GABRB1: variants seen among roughly 807,000 people sequenced by gnomAD.
GABRB1 encodes the protein gamma-aminobutyric acid receptor subunit beta-1.
GABRB1 carries 17 observed loss-of-function variants against 51.6 expected under a neutral mutation model. That is an observed-to-expected ratio of 0.33 (90% CI 0.23 to 0.49). The LOEUF is 0.49. GABRB1 is among the 20% of genes least tolerant of loss of function. The pLI is 0.99. For missense variants in GABRB1, 410 were observed against 600.6 expected (o/e 0.68, Z 3.32); for synonymous variants, 247 against 218.9 (o/e 1.13, Z -1.14).
At chr4:47,277,277 AC>A (rs1723118806) in intron 4 of GABRB1, among the ~76,000 whole-genome samples, 2 of 152,178 alleles carry the variant, frequency 1.3e-5, no homozygotes, top group Non-Finnish European at 2.9e-5. Context: ...GACAAACATC[AC>A]ATGTTCTCAC....
chr4:47,200,935 T>A (rs533647635), intron 4 of GABRB1, among the ~76,000 whole-genome samples: 1 of 152,272 alleles, frequency 6.6e-6, no homozygotes, highest in Non-Finnish European at 1.5e-5. Context: ...AGAGTAGCCA[T>A]TAGCCAGTCT....
chr4:47,343,709 G>A (rs6831556), intron 5 of GABRB1, among the ~76,000 whole-genome samples: 56,049 of 151,966 alleles, frequency 0.37, 10,500 homozygotes, highest in South Asian at 0.47. Flanking sequence ...AGAAAATTAG[G>A]CCTGTGCTCA....
chr4:47,040,764 A>C (rs963567737), intron 3 of GABRB1, among the ~76,000 whole-genome samples: 2 of 152,164 alleles, frequency 1.3e-5, no homozygotes, highest in African/African-American at 4.8e-5. Context: ...AGTGAGTGAA[A>C]TGCGTTGGTT....
At chr4:47,260,260 TGG>T (rs1159878274) in intron 4 of GABRB1, among the ~76,000 whole-genome samples, 1 of 151,782 alleles carries the variant, frequency 6.6e-6, no homozygotes, top group East Asian at 1.9e-4. Context: ...AGCACACTGA[TGG>T]GTCTTGACTC....
intron 1 of GABRB1, among the ~76,000 whole-genome samples, chr4:47,025,824 C>T (rs920923617): frequency 6.6e-5 from 10 of 151,850 alleles, no homozygotes; most frequent in Non-Finnish European, 8.8e-5. Context: ...TCTCATTATC[C>T]CCTCTCCTCT....
intron 5 of GABRB1, among the ~76,000 whole-genome samples, chr4:47,350,218 T>TAGAGAGAGAGAG (rs59905765): frequency 9.4e-4 from 53 of 56,644 alleles, no homozygotes; most frequent in East Asian, 4.5e-3. Flanking sequence ...TATATATATA[T>TAGAGAGAGAGAG]AGAGAGAGAG....
chr4:47,171,044 A>G (rs553331956), intron 4 of GABRB1, among the ~76,000 whole-genome samples: 1 of 152,324 alleles, frequency 6.6e-6, no homozygotes, highest in African/African-American at 2.4e-5. Context: ...TATATATGGC[A>G]TTGTAACCAA....
intron 4 of GABRB1, among the ~76,000 whole-genome samples, chr4:47,257,078 G>A (rs1346720837): frequency 6.6e-6 from 1 of 152,074 alleles, no homozygotes; most frequent in East Asian, 1.9e-4. Context: ...GCTTCCATCT[G>A]GGTTTAGTCA....
At chr4:47,077,844 ATATATATTTT>A (rs1226708750) in intron 3 of GABRB1, among the ~76,000 whole-genome samples, 1 of 141,174 alleles carries the variant, frequency 7.1e-6, no homozygotes, top group African/African-American at 2.6e-5. Context: ...TATATATTTT[ATATATATTTT>A]TATATATTTT....
At chr4:47,288,248 A>G (rs1377522306) in intron 4 of GABRB1, among the ~76,000 whole-genome samples, 1 of 150,042 alleles carries the variant, frequency 6.7e-6, no homozygotes, top group Non-Finnish European at 1.5e-5. Flanking sequence ...TATTACTATT[A>G]TTATTATTAT....
At chr4:47,241,161 A>T (rs570216337) in intron 4 of GABRB1, among the ~76,000 whole-genome samples, 1 of 152,334 alleles carries the variant, frequency 6.6e-6, no homozygotes, top group East Asian at 1.9e-4. Context: ...CAGTAAAAAA[A>T]ATAAAACCTG....
At chr4:47,351,700 A>T in intron 5 of GABRB1, among the ~76,000 whole-genome samples, 1 of 150,610 alleles carries the variant, frequency 6.6e-6, no homozygotes. Flanking sequence ...GAGAATGATG[A>T]TTTCCAATTT....
intron 3 of GABRB1, among the ~76,000 whole-genome samples, chr4:47,150,058 G>A (rs1474711553): frequency 6.6e-6 from 1 of 151,884 alleles, no homozygotes; most frequent in East Asian, 1.9e-4. Flanking sequence ...TTCCAAAGGA[G>A]CAGGCTATGG....
chr4:47,100,056 A>G (rs1714653533), intron 3 of GABRB1, among the ~76,000 whole-genome samples: 1 of 152,028 alleles, frequency 6.6e-6, no homozygotes, highest in African/African-American at 2.4e-5. Context: ...TTATATTGAA[A>G]TTATGTTCGG....
chr4:47,361,616 A>T (rs17571589), intron 5 of GABRB1, among the ~76,000 whole-genome samples: 13,950 of 152,222 alleles, frequency 0.092, 774 homozygotes, highest in Non-Finnish European at 0.12. Context: ...AGACCAGTTC[A>T]GTAGCATCTG....
intron 4 of GABRB1, among the ~76,000 whole-genome samples, chr4:47,184,611 G>T (rs1719093356): frequency 6.6e-6 from 1 of 151,848 alleles, no homozygotes; most frequent in African/African-American, 2.4e-5. Flanking sequence ...AACACCTGTG[G>T]TTGTACCCCC....
intron 1 of GABRB1, among the ~76,000 whole-genome samples, chr4:47,004,583 G>A (rs1724330215): frequency 6.6e-6 from 1 of 152,038 alleles, no homozygotes; most frequent in South Asian, 2.1e-4. Context: ...ACTATTAAAG[G>A]ATATACTTTA....
intron 4 of GABRB1, among the ~76,000 whole-genome samples, chr4:47,276,594 G>T (rs775602844): frequency 3.9e-5 from 6 of 152,010 alleles, no homozygotes; most frequent in Admixed American, 1.3e-4. Flanking sequence ...TAATGATATA[G>T]ATCTTGCCCT....
intron 4 of GABRB1, among the ~76,000 whole-genome samples, chr4:47,277,773 T>C (rs1459564591): frequency 6.6e-6 from 1 of 152,106 alleles, no homozygotes. Context: ...TTTTATTTTG[T>C]ATTTCCTACT....
Sources: allele counts gnomAD v4.1 joint callset (sites outside exome capture counted in the v4.1 genomes callset), GRCh38; gene constraint gnomAD v4.1.1; transcripts MANE v1.5; gene names NCBI Gene and HGNC (gene_info 2026-07-23, HGNC 2026-07-21).